The following PDZD2 variants were observed in gnomAD, a reference collection of about 807,000 sequenced individuals.
The protein encoded by PDZD2 is PDZ domain containing 2, also known as PDZ domain-containing protein 2.
In PDZD2, 90 loss-of-function variants were observed where a neutral mutation model predicts 220.7. The observed-to-expected ratio is 0.41, with a 90% CI of 0.34 to 0.49. PDZD2 has a LOEUF of 0.49. Ranked by LOEUF, PDZD2 falls within the 20% of genes least tolerant of loss-of-function variation. The pLI is 0.28. For synonymous variants in PDZD2, 1,375 were observed against 1,450.5 expected, an observed-to-expected ratio of 0.95 and a Z score of 1.18; for missense variants, 3,174 against 3,608.5, an observed-to-expected ratio of 0.88 and a Z score of 3.08.
chr5:32,006,396 C>T (rs1465912960), intron 5 of PDZD2, among the ~76,000 whole-genome samples: 1 of 145,796 alleles, frequency 6.9e-6, no homozygotes, highest in East Asian at 2.0e-4. Context: ...CATTTTTGCC[C>T]AGGCTGGAAT....
At chr5:31,895,689 TC>T (rs1741482459) in intron 2 of PDZD2, among the ~76,000 whole-genome samples, 1 of 152,032 alleles carries the variant, frequency 6.6e-6, no homozygotes, top group Non-Finnish European at 1.5e-5. Flanking sequence ...ATATTGTAAA[TC>T]CCCTTCCTCG....
chr5:31,815,188 T>C (rs1191288503), intron 2 of PDZD2, among the ~76,000 whole-genome samples: 6 of 137,376 alleles, frequency 4.4e-5, no homozygotes, highest in African/African-American at 1.7e-4. Context: ...GAGGTTTCAG[T>C]GAGCTAAGAT....
chr5:31,692,769 G>A (rs400042), intron 1 of PDZD2: 34,876 of 152,256 alleles, frequency 0.23, 4,560 homozygotes, highest in African/African-American at 0.36. Flanking sequence ...GCCAGGGCCC[G>A]TTGCCAGCAC....
chr5:31,791,821 C>T (rs2150221378), intron 1 of PDZD2, among the ~76,000 whole-genome samples: 1 of 152,310 alleles, frequency 6.6e-6, no homozygotes, highest in East Asian at 1.9e-4. Context: ...CCCTCCTGCT[C>T]ATCCAATTCC....
At chr5:31,691,231 T>C (rs916429320) in intron 1 of PDZD2, among the ~76,000 whole-genome samples, 10 of 151,984 alleles carry the variant, frequency 6.6e-5, no homozygotes, top group African/African-American at 2.4e-4. Context: ...TTACAGCTCT[T>C]AAGGCGGCGC....
intron 1 of PDZD2, chr5:31,747,979 C>T (rs1191123265): frequency 6.6e-6 from 1 of 152,174 alleles, no homozygotes; most frequent in East Asian, 1.9e-4. Flanking sequence ...ACTTGTGTTC[C>T]CAAGAAGGTC....
chr5:32,024,512 G>A (rs934970613), intron 6 of PDZD2, among the ~76,000 whole-genome samples: 11 of 151,928 alleles, frequency 7.2e-5, no homozygotes, highest in Admixed American at 1.3e-4. Context: ...GCGAAACCTC[G>A]TCTCTACTAA....
In PDZD2 at chr5:32,110,605, G is replaced by A. The variant is rs950513390; in HGVS notation, c.*2470G>A. ...TCAGTCATTCACAATAAGCTATGAGGGTAAATAAATATGTGTTATAACAAG... is the reference window on the plus strand; with the variant it reads ...TCAGTCATTCACAATAAGCTATGAGAGTAAATAAATATGTGTTATAACAAG... On this transcript the variant is annotated 3_prime_UTR_variant, in exon 25 of 25. Coordinates refer to ENST00000438447, the MANE Select transcript of PDZD2 (RefSeq NM_178140.4). The A allele has an allele frequency of 6.6e-6, 1 of 152,218 alleles. No homozygotes were observed. The allele number at this position is 152,218 out of a possible 1,614,324, so 9.4% of individuals were successfully genotyped here.
intron 2 of PDZD2, among the ~76,000 whole-genome samples, chr5:31,827,522 G>A (rs781360011): frequency 4.6e-5 from 7 of 151,684 alleles, no homozygotes; most frequent in African/African-American, 1.5e-4. Flanking sequence ...GTAACACCCC[G>A]TCTCTACTAA....
intron 2 of PDZD2, among the ~76,000 whole-genome samples, chr5:31,907,245 T>A (rs1742738849): frequency 1.3e-5 from 2 of 152,244 alleles, no homozygotes; most frequent in Non-Finnish European, 2.9e-5. Flanking sequence ...ACCAGCAGCA[T>A]GGTTGGTTTC....
chr5:31,839,951 C>A (rs1757166187), intron 2 of PDZD2, among the ~76,000 whole-genome samples: 1 of 152,196 alleles, frequency 6.6e-6, no homozygotes, highest in African/African-American at 2.4e-5. Flanking sequence ...TTCCTGTGGC[C>A]TCCCCAGCCA....
At chr5:31,707,728 G>A (rs1382394204) in intron 1 of PDZD2, among the ~76,000 whole-genome samples, 1 of 152,162 alleles carries the variant, frequency 6.6e-6, no homozygotes, top group African/African-American at 2.4e-5. Flanking sequence ...CTGTGTTCAA[G>A]TGATCCTCCT....
intron 22 of PDZD2, among the ~76,000 whole-genome samples, chr5:32,097,818 C>G (rs1743864996): frequency 6.6e-6 from 1 of 152,152 alleles, no homozygotes; most frequent in African/African-American, 2.4e-5. Context: ...TTCCCATTGC[C>G]TCCTGGATGC....
chr5:31,877,697 TA>T (rs1739430969), intron 2 of PDZD2, among the ~76,000 whole-genome samples: 1 of 152,016 alleles, frequency 6.6e-6, no homozygotes, highest in Non-Finnish European at 1.5e-5. Flanking sequence ...TTTATTTATT[TA>T]TTTATTTTGA....
At position 31,716,948 on chromosome 5, in the gene PDZD2, G is replaced by T. The variant is rs527798946; in HGVS notation, c.-361+77511G>T. ...GAGAGTTCAAAGAGGTTGTTGGGGT[G>T]GGGTGGCGGTGAGAGGGGATAGGAA... On this transcript the variant is annotated intron_variant, in intron 1 of 24. Transcript: ENST00000438447. 5.3e-5 allele frequency among the ~76,000 whole-genome samples: 8 copies of T among 152,232 alleles called. 1 individual carries two copies. The South Asian group carries it at 1.7e-3, about 32-fold the overall frequency.
At chr5:31,909,858 T>C (rs1171131366) in intron 2 of PDZD2, among the ~76,000 whole-genome samples, 2 of 152,208 alleles carry the variant, frequency 1.3e-5, no homozygotes, top group African/African-American at 4.8e-5. Flanking sequence ...ATCTTTATTA[T>C]TTGAAAGACT....
chr5:32,041,700 A>G (rs1383539394), intron 7 of PDZD2, among the ~76,000 whole-genome samples: 1 of 152,034 alleles, frequency 6.6e-6, no homozygotes, highest in African/African-American at 2.4e-5. Flanking sequence ...GGACACAAAC[A>G]CTGCGGAAGG....
At position 31,869,579 on chromosome 5, in the gene PDZD2, CAAAA is replaced by C. The variant is rs756632712; in HGVS notation, c.476+69856_476+69859del. On this transcript the variant is annotated intron_variant, in intron 2 of 24. Transcript: ENST00000438447. ...ACTCTGTCTCAAAAGAAAAAAAAAA[CAAAA>C]GAAAAAAGAAATGTATTGACTGCGA... Among the ~76,000 whole-genome samples the C allele has an allele frequency of 2.2e-3, 336 of 151,770 alleles. 2 individuals are homozygous for C. The highest frequency in any genetic ancestry group is 4.1e-3 in the Non-Finnish European group (279 of 67,908).
rs892804996 is a variant in PDZD2 at position 32,076,241 on chromosome 5, G to A, written c.3538-1221G>A. On this transcript the variant is annotated intron_variant, in intron 18 of 24. Coordinates refer to ENST00000438447, the MANE Select transcript of PDZD2 (RefSeq NM_178140.4). ...GTGGTGGTTGCAGTGAGCTGAGATC[G>A]TGCCACTGTACTCCAGCCTGGGTGA... 7.5e-5 allele frequency among the ~76,000 whole-genome samples: 11 copies of A among 147,014 alleles called. No homozygotes were observed. The South Asian group carries it at 8.7e-4, about 12-fold the overall frequency.
Sources: gnomAD v4.1 joint callset for allele counts (sites outside exome capture counted in the v4.1 genomes callset) on GRCh38, gnomAD v4.1.1 for gene constraint, MANE v1.5 for transcripts, NCBI Gene and HGNC (gene_info 2026-07-23, HGNC 2026-07-21) for gene names.